Variants in CELF2 observed in about 807,000 individuals in gnomAD.
CELF2 encodes CUG triplet repeat RNA-binding protein 2.
A neutral mutation model predicts 62.6 loss-of-function variants in CELF2; 8 were observed. The observed-to-expected ratio is 0.13, with a 90% confidence interval of 0.07 to 0.23. The LOEUF (loss-of-function observed/expected upper bound fraction) is 0.23, where lower values mean the gene tolerates loss of function less well. Ranked by LOEUF, CELF2 falls within the 10% of genes least tolerant of loss-of-function variation. The probability of loss-of-function intolerance (pLI) is 1.00; values close to 1 mark genes in which losing one functional copy is unlikely to be tolerated. For missense variants in CELF2, 333 were observed against 671.0 expected, an observed-to-expected ratio of 0.50 and a Z score of 5.56; for synonymous variants, 258 against 250.0, an observed-to-expected ratio of 1.03 and a Z score of -0.30.
At chr10:11,078,096 C>T (rs987467142) in intron 1 of CELF2, among the ~76,000 whole-genome samples, 4 of 152,046 alleles carry the variant, frequency 2.6e-5, no homozygotes, top group Admixed American at 6.6e-5. Flanking sequence ...TCATCCATTT[C>T]GTTTTGAATG....
chr10:11,096,085 C>T (rs10490954), intron 1 of CELF2, among the ~76,000 whole-genome samples: 26,177 of 152,156 alleles, frequency 0.17, 3,712 homozygotes, highest in East Asian at 0.73. Context: ...CAAGTAGCCT[C>T]ATGTTGACCT....
chr10:10,778,572 C>T, the CELF2 span, among the ~76,000 whole-genome samples: 1 of 152,126 alleles, frequency 6.6e-6, no homozygotes, highest in Non-Finnish European at 1.5e-5. Context: ...ATTTGTATTG[C>T]CCTTTTTATT....
the CELF2 span, among the ~76,000 whole-genome samples, chr10:10,696,572 C>T: frequency 2.0e-5 from 3 of 151,976 alleles, no homozygotes; most frequent in South Asian, 6.2e-4. Context: ...CTAAGCAAGC[C>T]TGGGCAATGG....
chr10:10,812,636 C>T (rs2056036920), intron 1 of CELF2, among the ~76,000 whole-genome samples: 1 of 152,200 alleles, frequency 6.6e-6, no homozygotes, highest in African/African-American at 2.4e-5. Context: ...TTCATGCTTT[C>T]TAATTTCACC....
chr10:10,563,565 G>A, the CELF2 span, among the ~76,000 whole-genome samples: 11 of 144,744 alleles, frequency 7.6e-5, no homozygotes, highest in South Asian at 2.2e-4. Flanking sequence ...CCAAGATTGC[G>A]CCACTGCACT....
the CELF2 span, among the ~76,000 whole-genome samples, chr10:10,556,308 T>A: frequency 2.0e-5 from 3 of 151,948 alleles, no homozygotes; most frequent in Non-Finnish European, 4.4e-5. Flanking sequence ...TTGTGATAGT[T>A]TACTGAGAAT....
intron 9 of CELF2, among the ~76,000 whole-genome samples, chr10:11,310,659 G>T (rs1014699705): frequency 6.6e-6 from 1 of 151,730 alleles, no homozygotes; most frequent in Non-Finnish European, 1.5e-5. Context: ...ATGTGCGAGG[G>T]ATAGTTTTTA....
At chr10:10,687,989 T>C in the CELF2 span, among the ~76,000 whole-genome samples, 2 of 152,244 alleles carry the variant, frequency 1.3e-5, no homozygotes, top group African/African-American at 4.8e-5. Flanking sequence ...ACCATTGTTC[T>C]TTCTAAAGTA....
the CELF2 span, among the ~76,000 whole-genome samples, chr10:10,608,478 T>C: frequency 1.3e-5 from 2 of 152,220 alleles, no homozygotes; most frequent in African/African-American, 2.4e-5. Flanking sequence ...GCTGCAGATG[T>C]CTCTGTTGTT....
At chr10:10,777,785 T>A in the CELF2 span, among the ~76,000 whole-genome samples, 2 of 152,112 alleles carry the variant, frequency 1.3e-5, no homozygotes, top group Admixed American at 6.5e-5. Flanking sequence ...ACTCCATAGC[T>A]CTTCATGATC....
At chr10:10,834,581 A>C (rs2058124682) in intron 1 of CELF2, among the ~76,000 whole-genome samples, 1 of 152,184 alleles carries the variant, frequency 6.6e-6, no homozygotes, top group African/African-American at 2.4e-5. Flanking sequence ...CATTTTACAG[A>C]AGATTCCAAG....
chr10:11,230,858 C>G (rs1589464114), intron 3 of CELF2, among the ~76,000 whole-genome samples: 1 of 152,232 alleles, frequency 6.6e-6, no homozygotes, highest in South Asian at 2.1e-4. Context: ...ATCTGTAATA[C>G]TCAGCAGCTC....
the CELF2 span, among the ~76,000 whole-genome samples, chr10:10,753,966 G>GC: frequency 1.3e-5 from 2 of 151,022 alleles, no homozygotes; most frequent in African/African-American, 4.9e-5. Flanking sequence ...ATGCATTGAT[G>GC]CAATTAGGTT....
At chr10:10,929,570 T>C (rs2065869195) in intron 2 of CELF2, 1 of 152,240 alleles carries the variant, frequency 6.6e-6, no homozygotes, top group African/African-American at 2.4e-5. Context: ...AAACTCCGGC[T>C]TGTGTTAAAA....
the CELF2 span, among the ~76,000 whole-genome samples, chr10:10,650,171 A>G: frequency 6.6e-6 from 1 of 152,222 alleles, no homozygotes; most frequent in Non-Finnish European, 1.5e-5. Context: ...TTACAGCCTC[A>G]TTTGAGACAA....
the CELF2 span, among the ~76,000 whole-genome samples, chr10:10,525,139 A>G: frequency 6.6e-6 from 1 of 152,232 alleles, no homozygotes; most frequent in Non-Finnish European, 1.5e-5. Flanking sequence ...TTCGGTGAGA[A>G]CAATTAAAAT....
intron 2 of CELF2, among the ~76,000 whole-genome samples, chr10:11,183,866 A>G (rs2134126358): frequency 6.6e-6 from 1 of 152,234 alleles, no homozygotes; most frequent in Admixed American, 6.5e-5. Context: ...ATTTACTGCT[A>G]GTTTGTTTCT....
At chr10:10,722,087 G>C in the CELF2 span, among the ~76,000 whole-genome samples, 3 of 152,056 alleles carry the variant, frequency 2.0e-5, no homozygotes, top group Non-Finnish European at 4.4e-5. Context: ...AGGATTGCTT[G>C]AGGCCAGGAG....
the CELF2 span, among the ~76,000 whole-genome samples, chr10:10,506,641 T>C: frequency 4.1e-5 from 6 of 146,418 alleles, no homozygotes; most frequent in Non-Finnish European, 9.1e-5. Context: ...ATGCAGCTAC[T>C]ATCTACCACA....
Sources: gnomAD v4.1 joint callset for allele counts (sites outside exome capture counted in the v4.1 genomes callset) on GRCh38, gnomAD v4.1.1 for gene constraint, MANE v1.5 for transcripts, NCBI Gene and HGNC (gene_info 2026-07-23, HGNC 2026-07-21) for gene names.